RIMS2: variants seen among roughly 807,000 people sequenced by gnomAD.
RIMS2 encodes the protein regulating synaptic membrane exocytosis protein 2.
A neutral mutation model predicts 174.4 loss-of-function variants in RIMS2; 59 were observed. The ratio of observed to expected loss-of-function variants is 0.34; its 90% CI spans 0.27 to 0.42. The LOEUF is 0.42. RIMS2 is among the 10% of genes least tolerant of loss of function. RIMS2 has a pLI of 1.00. For missense variants in RIMS2, 1,620 were observed against 1,666.3 expected (o/e 0.97, Z 0.48); for synonymous variants, 606 against 572.5 (o/e 1.06, Z -0.84).
At chr8:103,542,292 A>G (rs1053327112) in intron 1 of RIMS2, among the ~76,000 whole-genome samples, 1 of 152,178 alleles carries the variant, frequency 6.6e-6, no homozygotes, top group African/African-American at 2.4e-5. Flanking sequence ...TGAATCATGA[A>G]GAAATAGAAA....
At chr8:104,069,427 C>T in intron 19 of RIMS2, among the ~76,000 whole-genome samples, 1 of 145,086 alleles carries the variant, frequency 6.9e-6, no homozygotes, top group African/African-American at 2.6e-5. Flanking sequence ...AGTATGAGGT[C>T]TACCAAGGGA....
chr8:103,727,341 T>C (rs1162208633), intron 2 of RIMS2, among the ~76,000 whole-genome samples: 1 of 152,234 alleles, frequency 6.6e-6, no homozygotes, highest in African/African-American at 2.4e-5. Context: ...GAATAATCTA[T>C]ATAACTTGTC....
intron 19 of RIMS2, among the ~76,000 whole-genome samples, chr8:104,150,898 C>G (rs1182544567): frequency 1.3e-5 from 2 of 152,090 alleles, no homozygotes; most frequent in Non-Finnish European, 2.9e-5. Context: ...TTTTGAGTAC[C>G]TATCATTTGC....
chr8:103,602,477 G>T, intron 1 of RIMS2, among the ~76,000 whole-genome samples: 1 of 151,476 alleles, frequency 6.6e-6, no homozygotes, highest in Non-Finnish European at 1.5e-5. Flanking sequence ...CCTCAAAGAG[G>T]CTCCAGCGTC....
chr8:104,204,998 A>T (rs1587340984), intron 19 of RIMS2, among the ~76,000 whole-genome samples: 1 of 152,166 alleles, frequency 6.6e-6, no homozygotes, highest in East Asian at 1.9e-4. Context: ...GAGGGAGGAT[A>T]TGGAGCTAAT....
At chr8:103,986,086 A>C (rs2094339160) in intron 16 of RIMS2, among the ~76,000 whole-genome samples, 1 of 152,360 alleles carries the variant, frequency 6.6e-6, no homozygotes, top group African/African-American at 2.4e-5. Context: ...GGGTAGATTT[A>C]AAGTGTTCTC....
intron 2 of RIMS2, among the ~76,000 whole-genome samples, chr8:103,720,561 CAT>C (rs1464207038): frequency 6.6e-6 from 1 of 152,084 alleles, no homozygotes; most frequent in Non-Finnish European, 1.5e-5. Flanking sequence ...ATAGCAAACT[CAT>C]AAAAAAATCA....
intron 19 of RIMS2, among the ~76,000 whole-genome samples, chr8:104,177,968 G>A (rs1279695123): frequency 6.6e-6 from 1 of 152,174 alleles, no homozygotes; most frequent in Non-Finnish European, 1.5e-5. Context: ...GAACTCTAAT[G>A]ATGGTGTCTA....
chr8:103,731,258 C>A (rs1418957221), intron 2 of RIMS2, among the ~76,000 whole-genome samples: 1 of 152,112 alleles, frequency 6.6e-6, no homozygotes, highest in Non-Finnish European at 1.5e-5. Flanking sequence ...TTTTCTTTCC[C>A]ACTTGAAAGA....
At chr8:103,507,653 T>C (rs1824319979) in intron 1 of RIMS2, among the ~76,000 whole-genome samples, 1 of 152,136 alleles carries the variant, frequency 6.6e-6, no homozygotes, top group Admixed American at 6.5e-5. Context: ...CTTACAGTGT[T>C]TGTGTATGAT....
intron 19 of RIMS2, among the ~76,000 whole-genome samples, chr8:104,101,536 A>G (rs991395846): frequency 5.9e-5 from 9 of 152,118 alleles, no homozygotes; most frequent in Non-Finnish European, 5.9e-5. Context: ...ATGTTTTGAT[A>G]TGCTTATTTT....
intron 19 of RIMS2, among the ~76,000 whole-genome samples, chr8:104,198,925 C>G (rs1032974075): frequency 1.3e-5 from 2 of 152,140 alleles, no homozygotes; most frequent in African/African-American, 2.4e-5. Context: ...GGGGAACTTT[C>G]ATAAGGAAAT....
At chr8:103,642,397 A>G (rs965417491) in intron 1 of RIMS2, among the ~76,000 whole-genome samples, 2 of 152,068 alleles carry the variant, frequency 1.3e-5, no homozygotes, top group African/African-American at 4.8e-5. Context: ...ACTTATCCAT[A>G]AAATATCACA....
intron 1 of RIMS2, among the ~76,000 whole-genome samples, chr8:103,589,678 C>G (rs965391895): frequency 8.6e-5 from 13 of 151,400 alleles, no homozygotes; most frequent in Non-Finnish European, 5.9e-5. Context: ...TGGAAGCAAC[C>G]TAAGTGTTTA....
intron 16 of RIMS2, chr8:103,977,618 C>T (rs1325314797): frequency 6.6e-6 from 1 of 152,160 alleles, no homozygotes; most frequent in African/African-American, 2.4e-5. Flanking sequence ...ACACTGTAAT[C>T]TGGAAATTGT....
chr8:103,515,361 G>A (rs1057421663), intron 1 of RIMS2, among the ~76,000 whole-genome samples: 5 of 151,970 alleles, frequency 3.3e-5, no homozygotes, highest in African/African-American at 7.3e-5. Context: ...TATTAAGTTC[G>A]TTCAGATGTT....
At chr8:104,061,857 T>G (rs925111642) in intron 19 of RIMS2, among the ~76,000 whole-genome samples, 1 of 152,038 alleles carries the variant, frequency 6.6e-6, no homozygotes, top group Non-Finnish European at 1.5e-5. Context: ...TGTTTACAAT[T>G]ATCAAACAAT....
intron 18 of RIMS2, 108 bp downstream of exon 20, chr8:104,013,729 TAACA>T: frequency 1.2e-6 from 1 of 800,316 alleles, no homozygotes; most frequent in Non-Finnish European, 2.1e-6. Context: ...TGATCACTAG[TAACA>T]ATCGATACTA....
chr8:103,974,587 A>T lies in RIMS2; in HGVS notation c.2771-763A>T, dbSNP rs528427340. ...CTACTTTCCTTCCATCTCTCCACATACCAGTTGCTTTCTGCTACTCTTTTA... is the reference window on the plus strand; with the variant it reads ...CTACTTTCCTTCCATCTCTCCACATTCCAGTTGCTTTCTGCTACTCTTTTA... On this transcript the variant is annotated intron_variant, in intron 15 of 23. Coordinates refer to ENST00000504942, the Ensembl canonical transcript of RIMS2. 6.8e-4 allele frequency among the ~76,000 whole-genome samples: 104 copies of T among 152,232 alleles called. No individual in the cohort carries two copies. The South Asian group carries it at 0.011, about 16-fold the overall frequency.
Sources: gnomAD v4.1 joint callset for allele counts (sites outside exome capture counted in the v4.1 genomes callset) on GRCh38, gnomAD v4.1.1 for gene constraint, MANE v1.5 for transcripts, NCBI Gene and HGNC (gene_info 2026-07-23, HGNC 2026-07-21) for gene names.